NIFK: variants seen among roughly 807,000 people sequenced by gnomAD.
NIFK encodes nucleolar protein interacting with the FHA domain of MKI67.
Under a neutral mutation model 31.7 loss-of-function variants are expected in NIFK, and 16 were observed. The observed-to-expected ratio is 0.50, with a 90% CI of 0.34 to 0.77. The LOEUF is 0.77. NIFK is among the 30% of genes least tolerant of loss of function. The pLI, the probability that NIFK is intolerant of heterozygous loss-of-function variation, is 0.01. For missense variants in NIFK, 341 were observed against 350.4 expected (o/e 0.97, Z 0.21); for synonymous variants, 126 against 123.0 (o/e 1.02, Z -0.16).
At chr2:121,729,249 C>A (rs7565498) in intron 4 of NIFK, among the ~76,000 whole-genome samples, 6,815 of 151,762 alleles carry the variant, frequency 0.045, 519 homozygotes, top group African/African-American at 0.15. Context: ...TGCCTGTAGT[C>A]CCAGCTACTC....
Position 121,727,460 on chromosome 2 carries a change from A to G in NIFK, c.*264T>C, listed in dbSNP as rs1573371635. On this transcript the variant is annotated 3_prime_UTR_variant, in exon 7 of 7. Transcript: ENST00000285814. ...TCTATCCAGGCAGAGTAAACTAAGG[A>G]GAGCTATGAAATATCAAAAGAAAAC... is the stretch of plus-strand genomic sequence containing the variant. 1 of 616,288 alleles carries G rather than the reference A, an allele frequency of 1.6e-6. No homozygotes were observed. Among genetic ancestry groups the G allele is most frequent in the East Asian group, 3.6e-5 (1 of 27,456 alleles). 38.2% of individuals were successfully genotyped at this position (616,288 alleles called of 1,614,324 possible).
chr2:121,727,246 C>G lies in NIFK; in HGVS notation c.*478G>C. 3.0e-6 allele frequency: 1 copy of G among 328,324 alleles called. No homozygotes were observed. Among genetic ancestry groups the G allele is most frequent in the Non-Finnish European group, 6.4e-6 (1 of 156,958 alleles). The allele number at this position is 328,324 out of a possible 1,614,324, so 20.3% of individuals were successfully genotyped here. The stretch of plus-strand genomic sequence containing the variant: ...AAACAAATCTGTGCTAAAACTGGAA[C>G]TGCCTTCTCACTCTACATATAATTA... On this transcript the variant is annotated 3_prime_UTR_variant, in exon 7 of 7. Coordinates refer to ENST00000285814, the MANE Select transcript of NIFK (RefSeq NM_032390.5).
In NIFK at chr2:121,728,336, TTTC is replaced by T. The variant is rs920424762; in HGVS notation, c.642_644del (p.Lys216del). 2.5e-6 allele frequency: 4 copies of T among 1,607,544 alleles called. No homozygotes were observed. Among genetic ancestry groups the T allele is most frequent in the Admixed American group, 1.7e-5 (1 of 59,636 alleles). On this transcript the variant is annotated inframe_deletion, in exon 6 of 7. Transcript: ENST00000285814. ...GAGTGTCAAGAGTACCTGAAACTTTTTTCTTCTTCTTACGTAAAACCTTAAAAT... is the reference window on the plus strand; with the variant it reads ...GAGTGTCAAGAGTACCTGAAACTTTTTTCTTCTTACGTAAAACCTTAAAAT...
chr2:121,728,087 G>T, intron 6 of NIFK, 175 bp from the exon 7 acceptor site: 1 of 721,124 alleles, frequency 1.4e-6, no homozygotes, highest in South Asian at 2.4e-5. Flanking sequence ...TATCAAACTT[G>T]GTACAGAAAT....
Position 121,735,598 on chromosome 2 carries a change from C to T in NIFK, c.243+15G>A, listed in dbSNP as rs199634118. On this transcript the variant is annotated intron_variant, in intron 2 of 6. Coordinates refer to ENST00000285814, the MANE Select transcript of NIFK (RefSeq NM_032390.5). ...TTGAAAAACAAAACATTAAATCCAA[C>T]TGCAAAAATCTTACCCTTTTACTTC... 1.9e-5 allele frequency: 31 copies of T among 1,611,624 alleles called. No individual in the cohort carries two copies. In the African/African-American group the frequency reaches 3.3e-4, roughly 17 times the overall value.
intron 4 of NIFK, 57 bp downstream of exon 4, chr2:121,730,836 A>G: frequency 8.3e-7 from 1 of 1,210,886 alleles, no homozygotes; most frequent in South Asian, 1.2e-5. Flanking sequence ...ACAAGGTACA[A>G]AGCTGCCCCC....
chr2:121,731,408 A>AG (rs1398271876), intron 3 of NIFK, among the ~76,000 whole-genome samples: 1 of 152,312 alleles, frequency 6.6e-6, no homozygotes, highest in Non-Finnish European at 1.5e-5. Flanking sequence ...TATGGACTGC[A>AG]GGGTAGGGGG....
Position 121,727,988 on chromosome 2 carries a change from C to T in NIFK, c.694-76G>A, listed in dbSNP as rs2074504201. Reference sequence around the variant, plus strand: ...GACTTTACCCAAAAATATCATCTCTCCTCTATTTTTACAAGTTGTGCCCCA... The same window carrying T: ...GACTTTACCCAAAAATATCATCTCTTCTCTATTTTTACAAGTTGTGCCCCA... On this transcript the variant is annotated intron_variant, in intron 6 of 6. Coordinates refer to ENST00000285814, the MANE Select transcript of NIFK (RefSeq NM_032390.5). 3.0e-6 allele frequency: 4 copies of T among 1,318,840 alleles called. No individual in the cohort carries two copies. In the East Asian group the frequency reaches 9.9e-5, roughly 33 times the overall value. The allele number at this position is 1,318,840 out of a possible 1,614,324, so 81.7% of individuals were successfully genotyped here. A position where few individuals can be genotyped will look rare whatever the true frequency, so the allele number is the denominator to read the frequency against.
intron 2 of NIFK, among the ~76,000 whole-genome samples, chr2:121,733,683 ACAAAACAAAAC>A (rs2074559535): frequency 6.6e-6 from 1 of 151,708 alleles, no homozygotes; most frequent in South Asian, 2.1e-4. Flanking sequence ...TCCGTCGCAA[ACAAAACAAAAC>A]CAAAACAAAA....
Position 121,730,960 on chromosome 2 carries a change from T to C in NIFK, c.497A>G (p.Lys166Arg), listed in dbSNP as rs2074534849. The part of the protein sequence containing the change: ...TQKLRMEERF[K>R]KKERLLRKKL... ...CTTCCTGAGTAATCTTTCTTTCTTTTTAAATCGCTCCTCCATCCGTAGCTT... is the reference window on the plus strand; with the variant it reads ...CTTCCTGAGTAATCTTTCTTTCTTTCTAAATCGCTCCTCCATCCGTAGCTT... The change falls in exon 4 of 7, where the codon AAA (lysine) becomes AGA (arginine). Residue 166 changes from lysine (K) to arginine (R), a missense_variant. Transcript: ENST00000285814. The C allele has an allele frequency of 1.9e-5, 30 of 1,613,458 alleles. No individual in the cohort carries two copies. The highest frequency in any genetic ancestry group is 2.5e-5 in the Non-Finnish European group (30 of 1,179,748).
Position 121,732,080 on chromosome 2 carries a change from A to G in NIFK, c.352+16T>C. ...CAGGCACCCAGGCAACCCTGCGGTAAGACAGGAGCACTTACACTCCAAGAG... is the reference window on the plus strand; with the variant it reads ...CAGGCACCCAGGCAACCCTGCGGTAGGACAGGAGCACTTACACTCCAAGAG... On this transcript the variant is annotated intron_variant, in intron 3 of 6. Transcript: ENST00000285814. The G allele has an allele frequency of 6.6e-7, 1 of 1,507,596 alleles. No individual in the cohort carries two copies. Among genetic ancestry groups the G allele is most frequent in the Non-Finnish European group, 9.2e-7 (1 of 1,083,894 alleles). The allele number at this position is 1,507,596 out of a possible 1,614,324, so 93.4% of individuals were successfully genotyped here.
At position 121,728,334 on chromosome 2, in the gene NIFK, T is replaced by C. The variant is rs758724073; in HGVS notation, c.647A>G (p.Lys216Arg). The change falls in exon 6 of 7, where the codon AAA becomes AGA. Residue 216 changes from lysine (K) to arginine (R), a missense_variant. By Grantham distance (26) the Lys-to-Arg change is conservative. Coordinates refer to ENST00000285814, the MANE Select transcript of NIFK (RefSeq NM_032390.5). ...KGQVLRKKKK[K>R]VSGTLDTPEK... ...AGGAGTGTCAAGAGTACCTGAAACT[T>C]TTTTCTTCTTCTTACGTAAAACCTT... is the stretch of plus-strand genomic sequence containing the variant. The C allele has an allele frequency of 6.2e-7, 1 of 1,608,746 alleles. No individual in the cohort carries two copies. Among genetic ancestry groups the C allele is most frequent in the East Asian group, 2.2e-5 (1 of 44,768 alleles).
intron 1 of NIFK, 54 bp downstream of exon 1, chr2:121,736,692 T>A: frequency 6.7e-7 from 1 of 1,492,990 alleles, no homozygotes. Context: ...CCAGATACCC[T>A]CTAGACCCGG....
intron 1 of NIFK, among the ~76,000 whole-genome samples, chr2:121,736,171 C>T (rs897894132): frequency 2.6e-5 from 4 of 152,238 alleles, no homozygotes; most frequent in Non-Finnish European, 5.9e-5. Flanking sequence ...TCTCAGTCAT[C>T]ATAGCCTTAC....
At position 121,730,841 on chromosome 2, in the gene NIFK, G is replaced by A. The variant is rs1419503358; in HGVS notation, c.564+52C>T. On this transcript the variant is annotated intron_variant, in intron 4 of 6. Transcript: ENST00000285814. Reference sequence around the variant, plus strand: ...TAGGTACTTTACAAGGTACAAAGCTGCCCCCTCCCCTCCCCACAACAAACC... The same window carrying A: ...TAGGTACTTTACAAGGTACAAAGCTACCCCCTCCCCTCCCCACAACAAACC... 2.4e-6 allele frequency: 3 copies of A among 1,270,214 alleles called. No homozygotes were observed. The South Asian group carries it at 3.6e-5, about 15-fold the overall frequency. 78.7% of individuals were successfully genotyped at this position (1,270,214 alleles called of 1,614,324 possible). A position where few individuals can be genotyped will look rare whatever the true frequency, so the allele number is the denominator to read the frequency against.
chr2:121,728,126 T>A, intron 6 of NIFK, 162 bp downstream of exon 6: 1 of 686,728 alleles, frequency 1.5e-6, no homozygotes, highest in Non-Finnish European at 2.4e-6. Flanking sequence ...GCATGTTCCA[T>A]TATAAGGTTT....
At chr2:121,734,056 G>C (rs1482681486) in intron 2 of NIFK, among the ~76,000 whole-genome samples, 1 of 152,134 alleles carries the variant, frequency 6.6e-6, no homozygotes, top group East Asian at 1.9e-4. Flanking sequence ...GGGAGGCCGA[G>C]GTGGGCGGAT....
Position 121,736,834 on chromosome 2 carries a change from C to A in NIFK, c.17G>T (p.Gly6Val). Reference protein sequence around the residue: MATFSGPAGPILSLNP... With the variant: MATFSVPAGPILSLNP... Reference sequence around the variant, plus strand: ...AAGCGACAGGATTGGCCCAGCCGGGCCAGAAAAAGTCGCCATGCCAAAAGC... The same window carrying A: ...AAGCGACAGGATTGGCCCAGCCGGGACAGAAAAAGTCGCCATGCCAAAAGC... The change falls in exon 1 of 7, where the codon GGC becomes GTC. Residue 6 changes from glycine to valine, a missense_variant. Physicochemically the swap from Gly to Val is moderately radical, Grantham distance 109. Coordinates refer to ENST00000285814, the MANE Select transcript of NIFK (RefSeq NM_032390.5). The A allele has an allele frequency of 6.2e-7, 1 of 1,614,114 alleles. No individual in the cohort carries two copies. The highest frequency in any genetic ancestry group is 8.5e-7 in the Non-Finnish European group (1 of 1,179,950).
chr2:121,732,317 CG>C, intron 2 of NIFK, 113 bp from the exon 3 acceptor site: 1 of 642,706 alleles, frequency 1.6e-6, no homozygotes. Flanking sequence ...TCAAATATTA[CG>C]TACGACACGC....
Sources: allele counts gnomAD v4.1 joint callset (sites outside exome capture counted in the v4.1 genomes callset), GRCh38; gene constraint gnomAD v4.1.1; transcripts MANE v1.5; gene names NCBI Gene and HGNC (gene_info 2026-07-23, HGNC 2026-07-21).